Variants in RECQL observed in about 807,000 individuals in gnomAD.
RECQL encodes RecQ like helicase, also known as ATP-dependent DNA helicase Q1.
A neutral mutation model predicts 75.8 loss-of-function variants in RECQL; 73 were observed. That is an observed-to-expected ratio of 0.96 (90% confidence interval 0.80 to 1.17). The LOEUF (loss-of-function observed/expected upper bound fraction) is 1.17. Among genes scored for constraint, RECQL ranks in the 50% most tolerant of loss-of-function variants. RECQL has a pLI of 0.00. For missense variants in RECQL, 699 were observed against 772.1 expected (o/e 0.91, Z 1.12); for synonymous variants, 248 against 254.4 (o/e 0.97, Z 0.24).
intron 5 of RECQL, among the ~76,000 whole-genome samples, chr12:21,486,131 G>T (rs1191915659): frequency 6.6e-6 from 1 of 152,112 alleles, no homozygotes. Flanking sequence ...ACTCCACTGT[G>T]CCATTATACT....
chr12:21,477,736 A>G (rs1460984664), intron 7 of RECQL, 67 bp downstream of exon 7: 3 of 1,325,714 alleles, frequency 2.3e-6, no homozygotes, highest in Non-Finnish European at 3.1e-6. Context: ...AATAAACATA[A>G]TAAAAAGGCA....
At position 21,471,563 on chromosome 12, in the gene RECQL, G is replaced by A. The variant is rs893569462; in HGVS notation, c.1532C>T (p.Thr511Ile). ...CCAAGAATCAATCAGTTTCAATGGA[G>A]TGAGTTTTTCATTCAGTTCCTCTGC... ...KQAEELNEKLTPLKLIDSWMG... is the reference protein window; with the variant it reads ...KQAEELNEKLIPLKLIDSWMG... The change falls in exon 13 of 15, where the codon ACT becomes ATT. Residue 511 changes from threonine to isoleucine, a missense_variant. By Grantham distance (89) the Thr-to-Ile change is moderately conservative. Coordinates refer to ENST00000444129, the MANE Select transcript of RECQL (RefSeq NM_002907.4). 5.0e-6 allele frequency: 8 copies of A among 1,612,660 alleles called. No individual in the cohort carries two copies. The highest frequency in any genetic ancestry group is 6.8e-6 in the Non-Finnish European group (8 of 1,179,280).
At chr12:21,478,064 G>T in intron 6 of RECQL, 95 bp from the exon 7 acceptor site, 1 of 1,279,488 alleles carries the variant, frequency 7.8e-7, no homozygotes, top group Non-Finnish European at 1.1e-6. Context: ...TGACTACTAT[G>T]ATTTTGTTTC....
At chr12:21,497,073 C>G (rs558398932) in intron 2 of RECQL, among the ~76,000 whole-genome samples, 8 of 152,296 alleles carry the variant, frequency 5.3e-5, no homozygotes, top group African/African-American at 1.9e-4. Context: ...CTGGGTTGCT[C>G]CTGGGTCTTA....
At chr12:21,475,379 G>A (rs1350421690) in intron 10 of RECQL, 89 bp downstream of exon 10, 20 of 824,770 alleles carry the variant, frequency 2.4e-5, no homozygotes, top group Non-Finnish European at 3.5e-5. Flanking sequence ...ATCCAATAAA[G>A]ATAAAACATA....
intron 2 of RECQL, among the ~76,000 whole-genome samples, chr12:21,497,784 T>C (rs187915048): frequency 4.7e-4 from 71 of 152,344 alleles, no homozygotes; most frequent in African/African-American, 1.7e-3. Context: ...TTCTGCAACA[T>C]GGACTGCCAC....
At chr12:21,488,397 C>G (rs1488973864) in intron 4 of RECQL, among the ~76,000 whole-genome samples, 2 of 152,086 alleles carry the variant, frequency 1.3e-5, no homozygotes, top group Non-Finnish European at 2.9e-5. Context: ...TCTAGGCCTT[C>G]TTTTCTTCTT....
intron 11 of RECQL, among the ~76,000 whole-genome samples, chr12:21,474,175 G>A (rs1043870130): frequency 6.6e-6 from 1 of 152,030 alleles, no homozygotes; most frequent in Non-Finnish European, 1.5e-5. Flanking sequence ...TATTTGAGTT[G>A]AAACCTTAAA....
chr12:21,479,280 C>G (rs922455492), intron 6 of RECQL, among the ~76,000 whole-genome samples: 5 of 152,044 alleles, frequency 3.3e-5, no homozygotes, highest in African/African-American at 1.2e-4. Flanking sequence ...TTAAGAAAAG[C>G]TATGAACAAT....
At position 21,471,770 on chromosome 12, in the gene RECQL, T is replaced by C. The variant is rs1942972832; in HGVS notation, c.1448-123A>G. 9 of 707,072 alleles carry C rather than the reference T, an allele frequency of 1.3e-5. No homozygotes were observed. In the East Asian group the frequency reaches 2.4e-4, roughly 19 times the overall value. The allele number at this position is 707,072 out of a possible 1,614,324, so 43.8% of individuals were successfully genotyped here. ...CAATGTGAGCCACCCTAAACATTGA[T>C]TTTTAAATGTATTCTGAATTAAGAC... On this transcript the variant is annotated intron_variant, in intron 12 of 14. Coordinates refer to ENST00000444129, the MANE Select transcript of RECQL (RefSeq NM_002907.4).
At position 21,486,584 on chromosome 12, in the gene RECQL, A is replaced by T; in HGVS notation, c.396T>A (p.Gly132=). The part of the protein sequence containing the change: ...CYQLPALCSD[G]FTLVICPLIS... ...TCAATGGGCAAATGACGAGTGTAAAACCTAAAAGAGAAAAAAAAAAAAATC... is the reference window on the plus strand; with the variant it reads ...TCAATGGGCAAATGACGAGTGTAAATCCTAAAAGAGAAAAAAAAAAAAATC... The change falls in exon 5 of 15, where the codon GGT becomes GGA. Residue 132 remains glycine, a splice_region_variant and synonymous_variant. Transcript: ENST00000444129. 6.4e-7 allele frequency: 1 copy of T among 1,569,694 alleles called. No homozygotes were observed. The highest frequency in any genetic ancestry group is 8.6e-7 in the Non-Finnish European group (1 of 1,163,374).
chr12:21,496,844 A>T (rs1330024418), intron 2 of RECQL, among the ~76,000 whole-genome samples: 1 of 152,212 alleles, frequency 6.6e-6, no homozygotes, highest in Non-Finnish European at 1.5e-5. Flanking sequence ...GCCGGTTTTG[A>T]GTAGGACCTC....
intron 6 of RECQL, among the ~76,000 whole-genome samples, chr12:21,478,289 C>G (rs1943125496): frequency 6.6e-6 from 1 of 152,236 alleles, no homozygotes; most frequent in East Asian, 1.9e-4. Context: ...CCAAAAAAAT[C>G]TTGGTAAGGG....
In RECQL at chr12:21,474,946, T is replaced by C. The variant is rs1235733547; in HGVS notation, c.1250A>G (p.Tyr417Cys). 18 of 1,613,060 alleles carry C rather than the reference T, an allele frequency of 1.1e-5. No homozygotes were observed. Among genetic ancestry groups the C allele is most frequent in the Non-Finnish European group, 1.5e-5 (18 of 1,179,192 alleles). Residue 417 changes from tyrosine (Y) to cysteine (C), a missense_variant, in exon 11 of 15, where the codon TAC becomes TGC. By Grantham distance (194) the Tyr-to-Cys change is radical (BLOSUM62 -2). Around this residue, in one of 2 missense-constraint regions of RECQL, gnomAD observed 669 missense variants for 713.5 expected, o/e 0.94. Coordinates refer to ENST00000444129, the MANE Select transcript of RECQL (RefSeq NM_002907.4). ...TCTGAATATATCTCCAAAGCCGTAG[T>C]ACAAAATACAGTCTGCTTTCATGTC... is the stretch of plus-strand genomic sequence containing the variant. ...RDDMKADCILYYGFGDIFRIS... is the reference protein window; with the variant it reads ...RDDMKADCILCYGFGDIFRIS...
At chr12:21,474,136 T>G (rs777883556) in intron 11 of RECQL, among the ~76,000 whole-genome samples, 1 of 152,090 alleles carries the variant, frequency 6.6e-6, no homozygotes, top group African/African-American at 2.4e-5. Flanking sequence ...GACAGTAAAA[T>G]AGTTTCTTAT....
chr12:21,491,118 T>C (rs1193787875), intron 3 of RECQL, among the ~76,000 whole-genome samples: 2 of 152,198 alleles, frequency 1.3e-5, no homozygotes, highest in East Asian at 3.8e-4. Context: ...AATTATTCTA[T>C]TATTCTATTT....
intron 3 of RECQL, among the ~76,000 whole-genome samples, chr12:21,491,238 CTG>C (rs780445915): frequency 3.6e-4 from 54 of 152,002 alleles, no homozygotes; most frequent in Non-Finnish European, 6.2e-4. Context: ...TTTTTCTTAA[CTG>C]TTTGTTAATG....
chr12:21,491,178 G>A (rs1176344938), intron 3 of RECQL, among the ~76,000 whole-genome samples: 2 of 152,108 alleles, frequency 1.3e-5, no homozygotes, highest in Admixed American at 1.3e-4. Flanking sequence ...TGAAAGGTTT[G>A]TTCACTAGGG....
At chr12:21,486,687 T>TTTTTTTTTTTTA (rs1491355154) in intron 4 of RECQL, 102 bp from the exon 5 acceptor site, 1 of 737,768 alleles carries the variant, frequency 1.4e-6, no homozygotes, top group African/African-American at 2.2e-5. Context: ...TTTTTTTTTT[T>TTTTTTTTTTTTA]AGAGATGGAG....
Sources: gnomAD v4.1 joint callset for allele counts (sites outside exome capture counted in the v4.1 genomes callset) on GRCh38, gnomAD v4.1.1 for gene constraint, gnomAD v4.1.1 regional missense constraint, MANE v1.5 for transcripts, NCBI Gene and HGNC (gene_info 2026-07-23, HGNC 2026-07-21) for gene names.